The following ARRDC5 variants were observed in gnomAD, a reference collection of about 807,000 sequenced individuals.
The protein encoded by ARRDC5 is arrestin domain-containing protein 5.
ARRDC5 carries 12 observed loss-of-function variants against 13.3 expected under a neutral mutation model. That is an observed-to-expected ratio of 0.90 (90% confidence interval 0.58 to 1.46). The LOEUF is 1.46. Ranked by LOEUF, ARRDC5 falls within the 40% of genes most tolerant of loss-of-function variation. The pLI is 0.00. For missense variants in ARRDC5, 406 were observed against 418.7 expected (o/e 0.97, Z 0.26); for synonymous variants, 181 against 173.4 (o/e 1.04, Z -0.34).
In ARRDC5 at chr19:4,896,348, A is replaced by ATT. The variant is rs1225628606; in HGVS notation, c.459+321_459+322dup. Among the ~76,000 whole-genome samples the ATT allele has an allele frequency of 4.7e-3, 281 of 59,526 alleles. 3 individuals carry two copies. Among genetic ancestry groups the ATT allele is most frequent in the African/African-American group, 0.017 (266 of 15,640 alleles). 39.1% of individuals were successfully genotyped at this position (59,526 alleles called of 152,430 possible). ...AAAAAAAATATATATATATATATATATTTTTTTTTTTTTACACACACACAC... is the reference window on the plus strand; with the variant it reads ...AAAAAAAATATATATATATATATATATTTTTTTTTTTTTTTACACACACACAC... On this transcript the variant is annotated intron_variant, in intron 2 of 2. Coordinates refer to ENST00000650722, the MANE Select transcript of ARRDC5 (RefSeq NM_001080523.3).
At chr19:4,896,405 C>CACACACACATATATAT (rs539564532) in intron 2 of ARRDC5, among the ~76,000 whole-genome samples, 5 of 106,366 alleles carry the variant, frequency 4.7e-5, no homozygotes, top group Admixed American at 1.1e-4. Context: ...CACACACACA[C>CACACACACATATATAT]ATATATATAA....
intron 1 of ARRDC5, among the ~76,000 whole-genome samples, chr19:4,899,285 C>T (rs1420370514): frequency 1.3e-5 from 2 of 150,682 alleles, no homozygotes; most frequent in Non-Finnish European, 3.0e-5. Context: ...GCACTCCAGC[C>T]TGGGCGACAG....
At chr19:4,912,157 C>T in the ARRDC5 span, among the ~76,000 whole-genome samples, 3 of 152,144 alleles carry the variant, frequency 2.0e-5, no homozygotes, top group Admixed American at 1.3e-4. Flanking sequence ...GTTAACCCGC[C>T]CTGCCCCGGG....
the ARRDC5 span, among the ~76,000 whole-genome samples, chr19:4,912,984 G>A: frequency 6.6e-6 from 1 of 152,022 alleles, no homozygotes; most frequent in Non-Finnish European, 1.5e-5. Flanking sequence ...GGTCTCCTGG[G>A]CTCAAGTGAC....
chr19:4,898,038 G>A (rs1482204644), intron 1 of ARRDC5, among the ~76,000 whole-genome samples: 1 of 152,160 alleles, frequency 6.6e-6, no homozygotes, highest in Non-Finnish European at 1.5e-5. Flanking sequence ...AGTGAGCCGA[G>A]ATCATGCCAC....
chr19:4,909,296 T>TGGGCGCGCCCAGCA, the ARRDC5 span: 1 of 541,102 alleles, frequency 1.8e-6, no homozygotes, highest in African/African-American at 2.0e-5. Context: ...CTTTGCACGC[T>TGGGCGCGCCCAGCA]GGGCGCGCCC....
the ARRDC5 span, chr19:4,910,779 C>T: frequency 1.4e-6 from 2 of 1,434,132 alleles, no homozygotes; most frequent in Non-Finnish European, 1.9e-6. Context: ...TCCTGGTGTC[C>T]ACAGGCCGGA....
At chr19:4,908,510 C>CT in the ARRDC5 span, among the ~76,000 whole-genome samples, 1 of 152,124 alleles carries the variant, frequency 6.6e-6, no homozygotes, top group African/African-American at 2.4e-5. Context: ...CAGCCCCTTC[C>CT]TGCTCCCTGG....
At chr19:4,903,686 A>T (rs2031996422), upstream of ARRDC5, 1 of 151,924 alleles carries the variant, frequency 6.6e-6, no homozygotes, top group African/African-American at 2.4e-5. Context: ...TATTTTTAGT[A>T]GAGACGGGGT....
the ARRDC5 span, among the ~76,000 whole-genome samples, chr19:4,913,357 G>C: frequency 6.8e-6 from 1 of 146,036 alleles, no homozygotes; most frequent in African/African-American, 2.6e-5. Context: ...AAGTTCAAGC[G>C]ATCCTCCTGC....
At chr19:4,892,650 TGC>T (rs1331353423) in intron 2 of ARRDC5, among the ~76,000 whole-genome samples, 1 of 152,108 alleles carries the variant, frequency 6.6e-6, no homozygotes. Context: ...TGAGCCACTG[TGC>T]CCAGCCTGCT....
At chr19:4,893,285 C>A (rs546701424) in intron 2 of ARRDC5, among the ~76,000 whole-genome samples, 4 of 141,048 alleles carry the variant, frequency 2.8e-5, no homozygotes, top group African/African-American at 1.0e-4. Flanking sequence ...GCAGGAGGAT[C>A]ACCTGAGGTC....
At chr19:4,904,067 C>G (rs900872560), upstream of ARRDC5, among the ~76,000 whole-genome samples, 3 of 152,058 alleles carry the variant, frequency 2.0e-5, no homozygotes, top group Admixed American at 2.0e-4. Flanking sequence ...ACCTCTGCCC[C>G]CTGGGTTCAA....
chr19:4,893,120 T>C (rs975728336), intron 2 of ARRDC5, among the ~76,000 whole-genome samples: 1 of 131,544 alleles, frequency 7.6e-6, no homozygotes, highest in Admixed American at 8.7e-5. Context: ...ATATATATAT[T>C]ATAATAATAT....
upstream of ARRDC5, among the ~76,000 whole-genome samples, chr19:4,907,269 C>T (rs1028946374): frequency 7.2e-5 from 11 of 152,058 alleles, no homozygotes; most frequent in African/African-American, 2.7e-4. Flanking sequence ...ACCACCCTGC[C>T]CAGCTAATTT....
Position 4,890,848 on chromosome 19 carries a change from G to C in ARRDC5, c.*198C>G. 1 of 562,678 alleles carries C rather than the reference G, an allele frequency of 1.8e-6. No individual in the cohort carries two copies. Among genetic ancestry groups the C allele is most frequent in the East Asian group, 3.0e-5 (1 of 33,088 alleles). The allele number at this position is 562,678 out of a possible 1,614,324, so 34.9% of individuals were successfully genotyped here. On this transcript the variant is annotated 3_prime_UTR_variant, in exon 3 of 3. Transcript: ENST00000650722. Reference sequence around the variant, plus strand: ...GGTTTGGGTCCTGGGAGACCTTCCCGGTTTCCTTTGTCCATTCCAGGCATT... The same window carrying C: ...GGTTTGGGTCCTGGGAGACCTTCCCCGTTTCCTTTGTCCATTCCAGGCATT...
At chr19:4,914,904 C>T in the ARRDC5 span, among the ~76,000 whole-genome samples, 9 of 152,184 alleles carry the variant, frequency 5.9e-5, no homozygotes, top group South Asian at 8.3e-4. Context: ...ACAATGAAAG[C>T]GAAATCAATC....
chr19:4,894,280 G>T (rs1192287982), intron 2 of ARRDC5, among the ~76,000 whole-genome samples: 1 of 150,596 alleles, frequency 6.6e-6, no homozygotes. Context: ...GGGAGGCCGA[G>T]GCGGGCGGAT....
chr19:4,896,640 G>C, intron 2 of ARRDC5, 31 bp downstream of exon 2: 2 of 1,534,932 alleles, frequency 1.3e-6, no homozygotes, highest in Non-Finnish European at 1.8e-6. Context: ...CTTGGAGATT[G>C]TTCCCACCTC....
Sources: gnomAD v4.1 joint callset for allele counts (sites outside exome capture counted in the v4.1 genomes callset) on GRCh38, gnomAD v4.1.1 for gene constraint, MANE v1.5 for transcripts, NCBI Gene and HGNC (gene_info 2026-07-23, HGNC 2026-07-21) for gene names.